Variants in PUS7 observed in about 807,000 individuals in gnomAD.
PUS7 encodes pseudouridine synthase 7.
PUS7 carries 48 observed loss-of-function variants against 79.8 expected under a neutral mutation model. The ratio of observed to expected loss-of-function variants is 0.60; its 90% CI spans 0.48 to 0.76. The LOEUF (loss-of-function observed/expected upper bound fraction) is 0.76. PUS7 is among the 30% of genes least tolerant of loss of function. The pLI is 0.00. For synonymous variants in PUS7, 286 were observed against 272.2 expected (o/e 1.05, Z -0.50); for missense variants, 729 against 797.6 (o/e 0.91, Z 1.04).
At chr7:105,514,861 G>A (rs989604390) in intron 1 of PUS7, among the ~76,000 whole-genome samples, 1 of 150,420 alleles carries the variant, frequency 6.6e-6, no homozygotes, top group Non-Finnish European at 1.5e-5. Flanking sequence ...GCGCAATCTC[G>A]GCTCACTGCA....
At chr7:105,471,719 C>T (rs532666561) in intron 10 of PUS7, among the ~76,000 whole-genome samples, 18 of 152,162 alleles carry the variant, frequency 1.2e-4, no homozygotes, top group African/African-American at 4.1e-4. Flanking sequence ...TCGAGACCAG[C>T]CTGGCCAATG....
chr7:105,484,510 TA>T (rs35983237), intron 7 of PUS7, among the ~76,000 whole-genome samples: 128,531 of 143,580 alleles, frequency 0.9, 58,188 homozygotes, highest in South Asian at 0.98. Flanking sequence ...CTTTTTTTCT[TA>T]AAAAAAAAAA....
intron 1 of PUS7, among the ~76,000 whole-genome samples, chr7:105,509,184 CAAAAAAAAAA>C (rs57095427): frequency 3.5e-3 from 193 of 55,718 alleles, no homozygotes; most frequent in African/African-American, 0.015. Flanking sequence ...GACTCCATCT[CAAAAAAAAAA>C]AAAAAAAAAA....
chr7:105,519,452 A>T (rs1416710222), intron 1 of PUS7, among the ~76,000 whole-genome samples: 2 of 151,934 alleles, frequency 1.3e-5, no homozygotes, highest in Non-Finnish European at 2.9e-5. Context: ...GTTGGCCAGG[A>T]TGGTCTCAAA....
intron 7 of PUS7, among the ~76,000 whole-genome samples, chr7:105,488,687 G>A (rs1467709994): frequency 6.6e-6 from 1 of 152,068 alleles, no homozygotes; most frequent in Admixed American, 6.6e-5. Context: ...TATACCTACA[G>A]GAAATAAGGT....
At chr7:105,492,502 T>A (rs1255017613) in intron 6 of PUS7, among the ~76,000 whole-genome samples, 1 of 86,438 alleles carries the variant, frequency 1.2e-5, no homozygotes, top group Non-Finnish European at 2.6e-5. Flanking sequence ...TTTTTTGTAT[T>A]TTTTTTTTTT....
intron 9 of PUS7, among the ~76,000 whole-genome samples, chr7:105,476,983 T>A (rs1181337575): frequency 6.6e-6 from 1 of 152,226 alleles, no homozygotes; most frequent in Non-Finnish European, 1.5e-5. Context: ...TTAAGTCTCT[T>A]ATCAGATGTA....
At chr7:105,483,821 G>T (rs1227363572) in intron 7 of PUS7, among the ~76,000 whole-genome samples, 1 of 152,164 alleles carries the variant, frequency 6.6e-6, no homozygotes, top group African/African-American at 2.4e-5. Context: ...AGGCTGCCAG[G>T]ATCCAATTGA....
At chr7:105,469,332 C>G (rs1823783983) in intron 11 of PUS7, among the ~76,000 whole-genome samples, 1 of 151,940 alleles carries the variant, frequency 6.6e-6, no homozygotes, top group Admixed American at 6.6e-5. Context: ...ACTCTGTCAC[C>G]TAGGCTGGAG....
At chr7:105,486,146 G>A (rs1299390499) in intron 7 of PUS7, among the ~76,000 whole-genome samples, 15 of 151,862 alleles carry the variant, frequency 9.9e-5, no homozygotes, top group Non-Finnish European at 2.1e-4. Context: ...CTGCCTCTTG[G>A]GTTCAAGCAA....
At chr7:105,503,926 C>T (rs1237528124) in intron 4 of PUS7, among the ~76,000 whole-genome samples, 1 of 152,172 alleles carries the variant, frequency 6.6e-6, no homozygotes, top group Non-Finnish European at 1.5e-5. Flanking sequence ...AGCCACTGTG[C>T]CCAGCCCTTA....
In PUS7 at chr7:105,508,796, C is replaced by T. The variant is rs145143034; in HGVS notation, c.-32-252G>A. Among the ~76,000 whole-genome samples, 3,143 of 145,254 alleles carry T rather than the reference C, an allele frequency of 0.022. 100 individuals carry two copies. Among genetic ancestry groups the T allele is most frequent in the African/African-American group, 0.074 (2,878 of 39,012 alleles). On this transcript the variant is annotated intron_variant, in intron 1 of 15. Transcript: ENST00000469408. ...CTGAGGCAGGGGCATTGCTTGAACC[C>T]GGGAGGCAGAGGTTGCAGTGAGTTA...
chr7:105,506,399 C>CA, intron 2 of PUS7, 126 bp from the exon 3 acceptor site: 2 of 641,634 alleles, frequency 3.1e-6, no homozygotes, highest in East Asian at 5.9e-5. Flanking sequence ...ATCTTCAGTG[C>CA]AAAATCACAT....
intron 7 of PUS7, among the ~76,000 whole-genome samples, chr7:105,488,830 T>C (rs1234771964): frequency 6.6e-6 from 1 of 152,170 alleles, no homozygotes; most frequent in Non-Finnish European, 1.5e-5. Flanking sequence ...AGGCCTTTCA[T>C]TTTCTACCTA....
rs750353018 is a variant in PUS7, at chr7:105,508,132, C to T, written c.381G>A (p.Ser127=). Residue 127 remains serine (S), a synonymous_variant, in exon 2 of 16, where the codon TCG becomes TCA. Transcript: ENST00000469408. ...TKFVSSHQGF[S]GILKERYSDF... ...AAATGTACCTTTCTTTTAAGATTCC[C>T]GAGAACCCTTGATGAGAACTCACAA... is the stretch of plus-strand genomic sequence containing the variant. 6.8e-5 allele frequency: 109 copies of T among 1,612,080 alleles called. No individual in the cohort carries two copies. In the East Asian group the frequency reaches 2.0e-3, roughly 30 times the overall value.
intron 1 of PUS7, among the ~76,000 whole-genome samples, chr7:105,516,989 G>C (rs955125283): frequency 1.3e-5 from 2 of 151,922 alleles, no homozygotes; most frequent in African/African-American, 4.8e-5. Context: ...TGCATTTTTT[G>C]ACATATTTAA....
intron 6 of PUS7, among the ~76,000 whole-genome samples, chr7:105,493,779 A>G (rs1448424287): frequency 6.6e-6 from 1 of 152,212 alleles, no homozygotes; most frequent in African/African-American, 2.4e-5. Context: ...TCTGCGAGCC[A>G]AGGAGAGAGG....
chr7:105,508,101 T>A lies in PUS7; in HGVS notation c.398+14A>T, dbSNP rs1316751907. The stretch of plus-strand genomic sequence containing the variant: ...AATACAATCAAAATAACTTTATTCA[T>A]AAACTAAATGTACCTTTCTTTTAAG... On this transcript the variant is annotated intron_variant, in intron 2 of 15. Coordinates refer to ENST00000469408, the MANE Select transcript of PUS7 (RefSeq NM_019042.5). 6.3e-7 allele frequency: 1 copy of A among 1,594,548 alleles called. No individual in the cohort carries two copies. Among genetic ancestry groups the A allele is most frequent in the African/African-American group, 1.4e-5 (1 of 73,928 alleles).
chr7:105,512,048 G>A (rs530710824), intron 1 of PUS7, among the ~76,000 whole-genome samples: 1 of 150,812 alleles, frequency 6.6e-6, no homozygotes, highest in African/African-American at 2.4e-5. Flanking sequence ...AGAAGGCTGA[G>A]GTAGGAGAAT....
Sources: allele counts gnomAD v4.1 joint callset (sites outside exome capture counted in the v4.1 genomes callset), GRCh38; gene constraint gnomAD v4.1.1; transcripts MANE v1.5; gene names NCBI Gene and HGNC (gene_info 2026-07-23, HGNC 2026-07-21).